The following DNAAF9 variants were observed in gnomAD, a reference collection of about 807,000 sequenced individuals.
The protein encoded by DNAAF9 is shulin.
In DNAAF9, 90 loss-of-function variants were observed where a neutral mutation model predicts 167.0. The ratio of observed to expected loss-of-function variants is 0.54; its 90% confidence interval spans 0.45 to 0.64. The LOEUF (loss-of-function observed/expected upper bound fraction) is 0.64. Among genes scored for constraint, DNAAF9 ranks in the 30% least tolerant of loss-of-function variants. The pLI is 0.00. For synonymous variants in DNAAF9, 491 were observed against 508.8 expected (o/e 0.96, Z 0.47); for missense variants, 1,315 against 1,442.2 (o/e 0.91, Z 1.43).
chr20:3,257,690 T>G lies in DNAAF9; in HGVS notation c.3056-1479A>C, dbSNP rs905587345. ...TCCCAAGTAGCTGGGATTAAAGGCA[T>G]GTGCCACCATGCCCGGCTAATTTTT... On this transcript the variant is annotated intron_variant, in intron 33 of 36. Coordinates refer to ENST00000252032, the MANE Select transcript of DNAAF9 (RefSeq NM_001009984.3). Among the ~76,000 whole-genome samples the G allele has an allele frequency of 4.6e-5, 7 of 151,848 alleles. No homozygotes were observed. The East Asian group carries it at 1.4e-3, about 30-fold the overall frequency.
intron 31 of DNAAF9, among the ~76,000 whole-genome samples, chr20:3,260,636 CTCT>C (rs758487754): frequency 3.3e-5 from 5 of 151,982 alleles, no homozygotes; most frequent in Non-Finnish European, 7.4e-5. Flanking sequence ...CCATTTCTCT[CTCT>C]TTTTTTTTGA....
rs1459531024 is a variant in DNAAF9, at chr20:3,249,937, T to C, written c.*2635A>G. 1 of 152,076 alleles carries C rather than the reference T, an allele frequency of 6.6e-6. No homozygotes were observed. Among genetic ancestry groups the C allele is most frequent in the Non-Finnish European group, 1.5e-5 (1 of 68,030 alleles). The allele number at this position is 152,076 out of a possible 1,614,324, so 9.4% of individuals were successfully genotyped here. ...CAACGGCCCTTCCCTAGGATAATAA[T>C]CCCATTTCCTCCAATTTCTGTCTCC... On this transcript the variant is annotated 3_prime_UTR_variant, in exon 37 of 37. Transcript: ENST00000252032.
intron 10 of DNAAF9, among the ~76,000 whole-genome samples, chr20:3,336,139 T>C (rs1786925557): frequency 6.6e-6 from 1 of 152,024 alleles, no homozygotes; most frequent in Non-Finnish European, 1.5e-5. Flanking sequence ...AAAATATTTT[T>C]TGTCTGTAGT....
intron 31 of DNAAF9, among the ~76,000 whole-genome samples, chr20:3,260,811 T>G (rs1188213213): frequency 6.6e-6 from 1 of 152,308 alleles, no homozygotes; most frequent in African/African-American, 2.4e-5. Flanking sequence ...TTTGTATTGT[T>G]TGTAGAGACG....
At chr20:3,275,540 T>A (rs1600689669) in intron 29 of DNAAF9, among the ~76,000 whole-genome samples, 2 of 152,166 alleles carry the variant, frequency 1.3e-5, no homozygotes, top group South Asian at 2.1e-4. Flanking sequence ...GGTCAGGAAC[T>A]GGGCACAGAA....
Position 3,253,794 on chromosome 20 carries a change from G to C in DNAAF9, c.3353C>G (p.Pro1118Arg). The change falls in exon 36 of 37, where the codon CCT (proline) becomes CGT (arginine). Residue 1118 changes from proline (P) to arginine (R), a missense_variant. Coordinates refer to ENST00000252032, the MANE Select transcript of DNAAF9 (RefSeq NM_001009984.3). ...GGTGCCATTATAAAAGTAGCCTGCA[G>C]GTAGGGGTTCCAAGTGGCGTTTTAC... ...IHVKRHLEPL[P>R]AGYFYNGTQF... The C allele has an allele frequency of 6.2e-7, 1 of 1,611,426 alleles. No individual in the cohort carries two copies. The highest frequency in any genetic ancestry group is 8.5e-7 in the Non-Finnish European group (1 of 1,177,528).
chr20:3,312,997 G>A (rs2123023144), intron 20 of DNAAF9, among the ~76,000 whole-genome samples: 1 of 152,326 alleles, frequency 6.6e-6, no homozygotes, highest in Non-Finnish European at 1.5e-5. Flanking sequence ...AGAGACCTTA[G>A]GATACACTGA....
chr20:3,280,205 C>T (rs2068742313), intron 28 of DNAAF9, among the ~76,000 whole-genome samples: 2 of 152,182 alleles, frequency 1.3e-5, no homozygotes, highest in South Asian at 4.1e-4. Flanking sequence ...AAGAATAGAA[C>T]TCACTGACTT....
chr20:3,370,050 A>T (rs6051808), intron 6 of DNAAF9, among the ~76,000 whole-genome samples: 30,914 of 151,924 alleles, frequency 0.2, 3,439 homozygotes, highest in African/African-American at 0.27. Context: ...CTTCCTATTC[A>T]TACTTTGAAA....
intron 1 of DNAAF9, among the ~76,000 whole-genome samples, chr20:3,387,645 AT>A (rs1290128006): frequency 3.3e-5 from 5 of 152,136 alleles, no homozygotes; most frequent in African/African-American, 1.2e-4. Context: ...TAAACTGGAC[AT>A]TTAAAATTTA....
intron 6 of DNAAF9, among the ~76,000 whole-genome samples, chr20:3,363,674 G>C (rs976929980): frequency 2.0e-5 from 3 of 151,638 alleles, no homozygotes; most frequent in Non-Finnish European, 4.4e-5. Flanking sequence ...GCAATATAGA[G>C]AGACCCTGTT....
chr20:3,255,001 T>C (rs2068253951), intron 35 of DNAAF9, among the ~76,000 whole-genome samples: 1 of 152,152 alleles, frequency 6.6e-6, no homozygotes, highest in Non-Finnish European at 1.5e-5. Context: ...CTCTACTCAA[T>C]CTGATGCCCA....
intron 33 of DNAAF9, among the ~76,000 whole-genome samples, chr20:3,257,617 C>T (rs767148886): frequency 5.9e-5 from 9 of 152,138 alleles, no homozygotes; most frequent in Non-Finnish European, 8.8e-5. Flanking sequence ...AATCTCGGCT[C>T]ACTGCAACGG....
chr20:3,360,997 G>A (rs1193817491), intron 6 of DNAAF9, among the ~76,000 whole-genome samples: 3 of 152,150 alleles, frequency 2.0e-5, no homozygotes, highest in Admixed American at 6.5e-5. Flanking sequence ...ACAGCAGAGG[G>A]TGGCAGGGCT....
chr20:3,256,548 AAG>A (rs1199805573), intron 33 of DNAAF9, among the ~76,000 whole-genome samples: 1 of 152,116 alleles, frequency 6.6e-6, no homozygotes, highest in Non-Finnish European at 1.5e-5. Context: ...AGGATGGAGT[AAG>A]AGAGAGAGAC....
intron 31 of DNAAF9, among the ~76,000 whole-genome samples, chr20:3,262,992 T>TTTTAAG: frequency 8.4e-6 from 1 of 119,456 alleles, no homozygotes; most frequent in East Asian, 2.6e-4. Context: ...TTTTTTTTTT[T>TTTTAAG]GAGACGGAGT....
chr20:3,396,774 A>G (rs2083913750), intron 1 of DNAAF9, among the ~76,000 whole-genome samples: 1 of 152,160 alleles, frequency 6.6e-6, no homozygotes, highest in South Asian at 2.1e-4. Flanking sequence ...GAAAAAAAAA[A>G]CTATGTGTGT....
chr20:3,384,753 C>T (rs1326733441), intron 1 of DNAAF9, among the ~76,000 whole-genome samples: 1 of 152,016 alleles, frequency 6.6e-6, no homozygotes, highest in African/African-American at 2.4e-5. Context: ...CAACTATACA[C>T]TAGGACCAAG....
At position 3,264,452 on chromosome 20, in the gene DNAAF9, T is replaced by C. The variant is rs1171833064; in HGVS notation, c.2859A>G (p.Leu953=). 6.7e-7 allele frequency: 1 copy of C among 1,482,968 alleles called. No individual in the cohort carries two copies. The highest frequency in any genetic ancestry group is 9.4e-7 in the Non-Finnish European group (1 of 1,060,846). 91.9% of individuals were successfully genotyped at this position (1,482,968 alleles called of 1,614,324 possible). Reference sequence around the variant, plus strand: ...ATGATACTTGCCAGCCAGGATACATTAAATATCGAGATCGTAGCATCTCAG... The same window carrying C: ...ATGATACTTGCCAGCCAGGATACATCAAATATCGAGATCGTAGCATCTCAG... ...SSPEMLRSRY[L]MYPGWYEGKL... The change falls in exon 31 of 37, where the codon TTA becomes TTG. Residue 953 remains leucine (L), a synonymous_variant. Transcript: ENST00000252032.
Sources: gnomAD v4.1 joint callset for allele counts (sites outside exome capture counted in the v4.1 genomes callset) on GRCh38, gnomAD v4.1.1 for gene constraint, MANE v1.5 for transcripts, NCBI Gene and HGNC (gene_info 2026-07-23, HGNC 2026-07-21) for gene names.